The following WDFY3 variants were observed in gnomAD, a reference collection of about 807,000 sequenced individuals.
WDFY3 encodes WD repeat and FYVE domain-containing protein 3.
In WDFY3, 66 loss-of-function variants were observed where a neutral mutation model predicts 409.6. The ratio of observed to expected loss-of-function variants is 0.16; its 90% CI spans 0.13 to 0.20. The LOEUF (loss-of-function observed/expected upper bound fraction) is 0.20, where lower values mean the gene tolerates loss of function less well. Ranked by LOEUF, WDFY3 falls within the 10% of genes least tolerant of loss-of-function variation. The pLI is 1.00. For synonymous variants in WDFY3, 1,521 were observed against 1,537.1 expected (o/e 0.99, Z 0.25); for missense variants, 3,031 against 4,298.1 (o/e 0.71, Z 8.24).
At chr4:84,766,556 T>C (rs181802305) in intron 30 of WDFY3, among the ~76,000 whole-genome samples, 184 bp from the exon 31 acceptor site, 15 of 152,288 alleles carry the variant, frequency 9.8e-5, no homozygotes, top group African/African-American at 2.2e-4. Flanking sequence ...ACTCCGAAAA[T>C]TGTTCATTTA....
At chr4:84,826,790 A>G (rs1344473602) in intron 10 of WDFY3, 25 bp downstream of exon 10, 1 of 1,575,312 alleles carries the variant, frequency 6.3e-7, no homozygotes. Flanking sequence ...TCTCAGTAGC[A>G]CAGAAGGGAA....
intron 30 of WDFY3, among the ~76,000 whole-genome samples, chr4:84,767,074 G>A (rs1005041867): frequency 2.0e-5 from 3 of 151,950 alleles, no homozygotes; most frequent in African/African-American, 7.3e-5. Context: ...AAATTAAAGG[G>A]TTGTGGCAAC....
intron 47 of WDFY3, among the ~76,000 whole-genome samples, chr4:84,720,817 G>A (rs1002039375): frequency 2.1e-5 from 3 of 140,512 alleles, no homozygotes; most frequent in African/African-American, 8.0e-5. Flanking sequence ...AATGAGTAAA[G>A]TGCAGAGTGG....
intron 61 of WDFY3, among the ~76,000 whole-genome samples, chr4:84,689,618 G>GT (rs1321038899): frequency 6.6e-6 from 1 of 152,124 alleles, no homozygotes; most frequent in Non-Finnish European, 1.5e-5. Flanking sequence ...ACCACTGTTT[G>GT]AGTTTGGCTT....
chr4:84,696,932 TA>T lies in WDFY3; in HGVS notation c.8597-110del, dbSNP rs1730250758. On this transcript the variant is annotated intron_variant, in intron 56 of 67. Coordinates refer to ENST00000295888, the MANE Select transcript of WDFY3 (RefSeq NM_014991.6). ...TGGGTTAGATTCAATACCAGAACGC[TA>T]AAATTGTACACCAGAAAGGACTTCA... 8.9e-6 allele frequency: 8 copies of T among 896,668 alleles called. No individual in the cohort carries two copies. The East Asian group carries it at 1.9e-4, about 22-fold the overall frequency. 55.5% of individuals were successfully genotyped at this position (896,668 alleles called of 1,614,324 possible).
chr4:84,929,755 C>CA (rs1383199147), intron 2 of WDFY3, among the ~76,000 whole-genome samples: 1 of 151,964 alleles, frequency 6.6e-6, no homozygotes, highest in Non-Finnish European at 1.5e-5. Context: ...ACTGAAAATA[C>CA]AAAAAATTAG....
At chr4:84,941,705 A>G (rs764241137) in intron 1 of WDFY3, among the ~76,000 whole-genome samples, 5 of 152,034 alleles carry the variant, frequency 3.3e-5, no homozygotes, top group Non-Finnish European at 7.4e-5. Flanking sequence ...CAAAAAAGAA[A>G]TCAAGAATAG....
At chr4:84,690,774 C>T (rs894736589) in intron 60 of WDFY3, 110 bp from the exon 61 acceptor site, 91 of 1,319,660 alleles carry the variant, frequency 6.9e-5, no homozygotes, top group Non-Finnish European at 7.9e-5. Context: ...CAGCAAATAG[C>T]GGCTCATGTT....
rs773306245 is a variant in WDFY3 at position 84,796,668 on chromosome 4, C to T, written c.3020G>A (p.Ser1007Asn). ...ACTTCCTTCCGCAGATTTTACCAGG[C>T]TCTTGCTTATCCGGTAATGGTTATC... The part of the protein sequence containing the change: ...HEDNHYRISK[S>N]LVKSAEGSTV... The change falls in exon 19 of 68, where the codon AGC becomes AAC. Residue 1007 changes from serine to asparagine, a missense_variant. Physicochemically the swap from Ser to Asn is conservative, Grantham distance 46. This residue lies in a region of WDFY3 where 1,322 missense variants were observed against 1,697.9 expected (regional missense o/e 0.78). Transcript: ENST00000295888. 3.7e-6 allele frequency: 6 copies of T among 1,614,178 alleles called. No individual in the cohort carries two copies. Among genetic ancestry groups the T allele is most frequent in the Non-Finnish European group, 5.1e-6 (6 of 1,180,020 alleles).
At chr4:84,843,114 T>C (rs1476521275) in intron 5 of WDFY3, among the ~76,000 whole-genome samples, 1 of 152,216 alleles carries the variant, frequency 6.6e-6, no homozygotes, top group African/African-American at 2.4e-5. Context: ...TGAGTTATTT[T>C]CTACTAATAT....
At chr4:84,701,868 A>T (rs1731116339) in intron 56 of WDFY3, among the ~76,000 whole-genome samples, 1 of 152,212 alleles carries the variant, frequency 6.6e-6, no homozygotes, top group Non-Finnish European at 1.5e-5. Flanking sequence ...TTAGGCAATA[A>T]ACAAGATTAA....
intron 56 of WDFY3, among the ~76,000 whole-genome samples, chr4:84,698,564 C>T (rs1029726837): frequency 2.6e-5 from 4 of 152,168 alleles, no homozygotes; most frequent in African/African-American, 9.7e-5. Flanking sequence ...AGAGCCAGTG[C>T]TCCGCCCTTA....
chr4:84,875,251 G>A (rs543909440), intron 3 of WDFY3, among the ~76,000 whole-genome samples: 4 of 143,838 alleles, frequency 2.8e-5, no homozygotes, highest in Non-Finnish European at 4.5e-5. Context: ...CTGGGGTACC[G>A]AGCAAGACTC....
At chr4:84,804,601 A>G (rs1425200781) in intron 15 of WDFY3, among the ~76,000 whole-genome samples, 1 of 152,158 alleles carries the variant, frequency 6.6e-6, no homozygotes, top group African/African-American at 2.4e-5. Flanking sequence ...AAAAAGATTT[A>G]ATTTCTAAAC....
At chr4:84,836,834 T>C (rs1756638496) in intron 7 of WDFY3, 95 bp downstream of exon 7, 1 of 1,109,874 alleles carries the variant, frequency 9.0e-7, no homozygotes. Context: ...AAATGAAATA[T>C]GAGTTAAAAA....
rs1752231128 is a variant in WDFY3, at chr4:84,810,051, G to A, written c.2181C>T (p.Asp727=). 1 of 1,614,146 alleles carries A rather than the reference G, an allele frequency of 6.2e-7. No homozygotes were observed. The highest frequency in any genetic ancestry group is 2.2e-5 in the East Asian group (1 of 44,884). The change falls in exon 14 of 68, where the codon GAC becomes GAT. Residue 727 remains aspartate, a synonymous_variant. Coordinates refer to ENST00000295888, the MANE Select transcript of WDFY3 (RefSeq NM_014991.6). ...CATTCATGGCGCTTATTTTTCTTAG[G>A]TCTGAGAAGCAGCCAAGAAATCGAA... ...DAVRFLGCFS[D]LRKISAMNVF...
intron 32 of WDFY3, among the ~76,000 whole-genome samples, chr4:84,759,613 A>T (rs1172164034): frequency 2.0e-4 from 30 of 148,906 alleles, no homozygotes; most frequent in Middle Eastern, 3.5e-3. Flanking sequence ...TTTGTCTGTT[A>T]TTGGTGTATA....
intron 24 of WDFY3, among the ~76,000 whole-genome samples, chr4:84,783,693 A>G (rs768984376): frequency 6.6e-6 from 1 of 152,214 alleles, no homozygotes; most frequent in Non-Finnish European, 1.5e-5. Flanking sequence ...AGTAAACATA[A>G]GTTATCCAAG....
At chr4:84,706,248 T>C (rs1026499422) in intron 53 of WDFY3, among the ~76,000 whole-genome samples, 22 of 152,206 alleles carry the variant, frequency 1.4e-4, no homozygotes, top group African/African-American at 5.1e-4. Context: ...AATAACTAAT[T>C]TTGCCAAACT....
Sources: allele counts gnomAD v4.1 joint callset (sites outside exome capture counted in the v4.1 genomes callset), GRCh38; gene constraint gnomAD v4.1.1; regional missense constraint gnomAD v4.1.1; transcripts MANE v1.5; gene names NCBI Gene and HGNC (gene_info 2026-07-23, HGNC 2026-07-21).